CACNG7: variants seen among roughly 807,000 people sequenced by gnomAD.
CACNG7 encodes voltage-dependent calcium channel gamma-7 subunit.
CACNG7 carries 9 observed loss-of-function variants against 26.3 expected under a neutral mutation model. That is an observed-to-expected ratio of 0.34 (90% CI 0.21 to 0.60). The LOEUF (loss-of-function observed/expected upper bound fraction) is 0.60. Among genes scored for constraint, CACNG7 ranks in the 20% least tolerant of loss-of-function variants. The probability of loss-of-function intolerance (pLI) is 0.81; values close to 1 mark genes in which losing one functional copy is unlikely to be tolerated. For missense variants in CACNG7, 297 were observed against 380.4 expected (o/e 0.78, Z 1.82); for synonymous variants, 170 against 157.0 (o/e 1.08, Z -0.62).
intron 4 of CACNG7, among the ~76,000 whole-genome samples, chr19:53,933,928 C>T (rs549312148): frequency 2.0e-5 from 3 of 151,972 alleles, no homozygotes; most frequent in Non-Finnish European, 2.9e-5. Context: ...TACAGAGTCT[C>T]GCTTTGTCAC....
At position 53,913,093 on chromosome 19, in the gene CACNG7, A is replaced by G; in HGVS notation, c.196+66A>G. 3.5e-6 allele frequency: 5 copies of G among 1,415,774 alleles called. No individual in the cohort carries two copies. The South Asian group carries it at 3.8e-5, about 11-fold the overall frequency. The allele number at this position is 1,415,774 out of a possible 1,614,324, so 87.7% of individuals were successfully genotyped here. On this transcript the variant is annotated intron_variant, in intron 2 of 5. Coordinates refer to ENST00000391767, the MANE Select transcript of CACNG7 (RefSeq NM_031896.5). ...TGCCTGGGGTCTGAGAGTCTTAGCC[A>G]TAGTCCCATCCCTTGAGTTCCAGAA...
At chr19:53,919,653 G>C (rs1434046314) in intron 4 of CACNG7, among the ~76,000 whole-genome samples, 1 of 142,098 alleles carries the variant, frequency 7.0e-6, no homozygotes, top group Admixed American at 6.9e-5. Context: ...CTGGTCATTG[G>C]TGGAGTTGTC....
chr19:53,930,969 G>C (rs1005380913), intron 4 of CACNG7, among the ~76,000 whole-genome samples: 4 of 152,136 alleles, frequency 2.6e-5, no homozygotes, highest in Admixed American at 6.6e-5. Flanking sequence ...GCCGAGGTGG[G>C]CACATTACTT....
chr19:53,920,911 GT>G (rs1168372952), intron 4 of CACNG7, among the ~76,000 whole-genome samples: 17 of 102,600 alleles, frequency 1.7e-4, no homozygotes, highest in East Asian at 1.1e-3. Flanking sequence ...TGGTGGAGTT[GT>G]CCCCAGGTCT....
intron 4 of CACNG7, among the ~76,000 whole-genome samples, chr19:53,935,560 T>C (rs922643614): frequency 6.7e-6 from 1 of 149,444 alleles, no homozygotes; most frequent in Non-Finnish European, 1.5e-5. Context: ...TAAGCTCAAG[T>C]GATCCACTCA....
intron 4 of CACNG7, among the ~76,000 whole-genome samples, chr19:53,920,364 C>T (rs1001498469): frequency 5.5e-5 from 6 of 108,512 alleles, no homozygotes; most frequent in Non-Finnish European, 1.1e-4. Context: ...CAGGTCTGGT[C>T]ATTGGTGGAG....
intron 4 of CACNG7, among the ~76,000 whole-genome samples, chr19:53,936,845 G>A (rs11878242): frequency 0.04 from 6,097 of 152,158 alleles, 412 homozygotes; most frequent in African/African-American, 0.14. Flanking sequence ...CTGACCTTAA[G>A]TGATCTGCCC....
intron 4 of CACNG7, among the ~76,000 whole-genome samples, chr19:53,930,260 G>T (rs2069062635): frequency 1.3e-5 from 2 of 150,986 alleles, no homozygotes; most frequent in African/African-American, 4.9e-5. Context: ...CCAGGCTGGA[G>T]TGCAATGGTG....
Position 53,920,775 on chromosome 19 carries a change from G to GTTGCCCCAGGCTGGTCATTGGTGGAC in CACNG7, c.424+5296_424+5321dup, listed in dbSNP as rs1555810416. Among the ~76,000 whole-genome samples, 44 of 71,416 alleles carry GTTGCCCCAGGCTGGTCATTGGTGGAC rather than the reference G, an allele frequency of 6.2e-4. 2 individuals carry two copies. The highest frequency in any genetic ancestry group is 1.0e-3 in the East Asian group (3 of 2,944). 46.9% of individuals were successfully genotyped at this position (71,416 alleles called of 152,430 possible). On this transcript the variant is annotated intron_variant, in intron 4 of 5. Transcript: ENST00000391767. ...TGCCCCAGGTCTGGTCATTGGTGGAGTTGCCCCAGGCTGGTCATTGGTGGA... is the reference window on the plus strand; with the variant it reads ...TGCCCCAGGTCTGGTCATTGGTGGAGTTGCCCCAGGCTGGTCATTGGTGGACTTGCCCCAGGCTGGTCATTGGTGGA...
chr19:53,943,004 T>C lies in CACNG7; in HGVS notation c.*711T>C, dbSNP rs2069149176. The stretch of plus-strand genomic sequence containing the variant: ...ACCTGCCTTTTAGGGGGCTCTTGTC[T>C]AAAGGATCTTCTTGCTTTCTCAGCT... On this transcript the variant is annotated 3_prime_UTR_variant, in exon 6 of 6. Transcript: ENST00000391767. 1 of 152,632 alleles carries C rather than the reference T, an allele frequency of 6.6e-6. No homozygotes were observed. 9.5% of individuals were successfully genotyped at this position (152,632 alleles called of 1,614,324 possible).
chr19:53,927,250 T>C (rs982879412), intron 4 of CACNG7, among the ~76,000 whole-genome samples: 17 of 152,198 alleles, frequency 1.1e-4, no homozygotes, highest in African/African-American at 3.6e-4. Flanking sequence ...CATGTTCTTG[T>C]TTGTATCTTA....
At position 53,915,344 on chromosome 19, in the gene CACNG7, C is replaced by T. The variant is rs759175000; in HGVS notation, c.284-21C>T. The T allele has an allele frequency of 3.8e-6, 6 of 1,568,650 alleles. No individual in the cohort carries two copies. The South Asian group carries it at 5.5e-5, about 15-fold the overall frequency. ...CTGGAGATTCCCCCCTCACCCCTGT[C>T]TCTCCCCATCCCCTCCCCAGAGACA... On this transcript the variant is annotated intron_variant, in intron 3 of 5. Coordinates refer to ENST00000391767, the MANE Select transcript of CACNG7 (RefSeq NM_031896.5).
Position 53,924,644 on chromosome 19 carries a change from T to C in CACNG7, c.424+9139T>C, listed in dbSNP as rs560940003. The stretch of plus-strand genomic sequence containing the variant: ...TGGTGGACTTGCCCCAGGCTGGTCA[T>C]TGGTGGAGTTGTCCGAGGTCTGGTA... On this transcript the variant is annotated intron_variant, in intron 4 of 5. Transcript: ENST00000391767. Among the ~76,000 whole-genome samples the C allele has an allele frequency of 2.2e-3, 326 of 146,838 alleles. 1 individual carries two copies. Among genetic ancestry groups the C allele is most frequent in the Middle Eastern group, 0.011 (3 of 266 alleles).
At chr19:53,931,376 A>G (rs1291667741) in intron 4 of CACNG7, among the ~76,000 whole-genome samples, 1 of 151,866 alleles carries the variant, frequency 6.6e-6, no homozygotes, top group African/African-American at 2.4e-5. Flanking sequence ...AGGTCCATGC[A>G]TGACATTTAG....
At chr19:53,925,075 T>G (rs1469546961) in intron 4 of CACNG7, among the ~76,000 whole-genome samples, 1 of 101,938 alleles carries the variant, frequency 9.8e-6, no homozygotes, top group African/African-American at 4.9e-5. Context: ...ATTGGTGGAG[T>G]TGCCCCAGGT....
chr19:53,937,605 T>A (rs185264026), intron 4 of CACNG7, among the ~76,000 whole-genome samples: 2,822 of 54,182 alleles, frequency 0.052, 49 homozygotes, highest in Middle Eastern at 0.14. Context: ...TCCCCTCCCC[T>A]CCTTCTCGGA....
intron 4 of CACNG7, among the ~76,000 whole-genome samples, chr19:53,923,785 CAGTTGCCCCAGGTCTGGTCATTGGTGG>C (rs1568776659): frequency 0.073 from 3,000 of 41,046 alleles, 101 homozygotes; most frequent in Middle Eastern, 0.083. Flanking sequence ...GTCATTGGTG[CAGTTGCCCCAGGTCTGGTCATTGGTGG>C]AGTTGCCCCA....
rs1363112067 is a variant in CACNG7, at chr19:53,922,931, C to G, written c.424+7426C>G. ...CAGGCCTGGTCATTGGTGGAGTTGT[C>G]CCAGGTCTGGTCATTGGTGGAGTTG... is the stretch of plus-strand genomic sequence containing the variant. On this transcript the variant is annotated intron_variant, in intron 4 of 5. Transcript: ENST00000391767. 4.6e-5 allele frequency among the ~76,000 whole-genome samples: 4 copies of G among 86,418 alleles called. 1 individual carries two copies. The highest frequency in any genetic ancestry group is 8.0e-5 in the Non-Finnish European group (4 of 50,122). The allele number at this position is 86,418 out of a possible 152,430, so 56.7% of individuals were successfully genotyped here.
intron 4 of CACNG7, among the ~76,000 whole-genome samples, chr19:53,930,206 C>T (rs2145914689): frequency 6.9e-6 from 1 of 145,738 alleles, no homozygotes; most frequent in East Asian, 2.0e-4. Context: ...CCTCCTACCT[C>T]ACCATTTTTT....
Sources: allele counts gnomAD v4.1 joint callset (sites outside exome capture counted in the v4.1 genomes callset), GRCh38; gene constraint gnomAD v4.1.1; transcripts MANE v1.5; gene names NCBI Gene and HGNC (gene_info 2026-07-23, HGNC 2026-07-21).